EYS: variants seen among roughly 807,000 people sequenced by gnomAD.
The protein encoded by EYS is EGF-like photoreceptor maintenance factor, also known as protein eyes shut homolog.
A neutral mutation model predicts 282.1 loss-of-function variants in EYS; 250 were observed. The ratio of observed to expected loss-of-function variants is 0.89; its 90% confidence interval spans 0.80 to 0.98. The LOEUF is 0.98. Among genes scored for constraint, EYS ranks in the 50% least tolerant of loss-of-function variants. EYS has a pLI of 0.00. For synonymous variants in EYS, 1,355 were observed against 1,282.9 expected (o/e 1.06, Z -1.20); for missense variants, 4,016 against 3,709.0 (o/e 1.08, Z -2.15).
At chr6:63,910,757 C>A (rs1182978592) in intron 35 of EYS, among the ~76,000 whole-genome samples, 2 of 151,712 alleles carry the variant, frequency 1.3e-5, no homozygotes, top group Non-Finnish European at 2.9e-5. Context: ...TCAAGTGTAC[C>A]TTTTTTTTCC....
chr6:64,409,343 C>G (rs893510329), intron 28 of EYS, among the ~76,000 whole-genome samples: 2 of 152,146 alleles, frequency 1.3e-5, no homozygotes, highest in South Asian at 4.1e-4. Flanking sequence ...AATGGTAGTT[C>G]TGTTTTAAGT....
chr6:63,838,173 T>C (rs535108595), intron 36 of EYS, among the ~76,000 whole-genome samples: 2 of 152,210 alleles, frequency 1.3e-5, no homozygotes, highest in South Asian at 2.1e-4. Context: ...ATATCTGTCA[T>C]AAATGAGTCT....
chr6:64,153,340 T>A (rs1374783948), intron 31 of EYS, among the ~76,000 whole-genome samples: 1 of 152,174 alleles, frequency 6.6e-6, no homozygotes, highest in African/African-American at 2.4e-5. Flanking sequence ...GCAATTAGAA[T>A]TAGTCTTTGA....
intron 2 of EYS, among the ~76,000 whole-genome samples, chr6:65,589,163 C>T (rs1301069914): frequency 6.6e-6 from 1 of 151,972 alleles, no homozygotes; most frequent in East Asian, 1.9e-4. Flanking sequence ...CAGTCACTAT[C>T]CCTGAATGGA....
intron 11 of EYS, among the ~76,000 whole-genome samples, chr6:65,319,388 T>A (rs899054207): frequency 1.8e-4 from 27 of 150,172 alleles, no homozygotes; most frequent in Admixed American, 4.6e-4. Context: ...TCAAAAAAAA[T>A]AATATATATA....
chr6:64,121,902 C>T (rs115835499), intron 31 of EYS, among the ~76,000 whole-genome samples: 2,934 of 152,160 alleles, frequency 0.019, 81 homozygotes, highest in African/African-American at 0.066. Context: ...AGTCAATACA[C>T]CTGTTTTTGT....
At chr6:65,512,647 G>C (rs560275967) in intron 2 of EYS, among the ~76,000 whole-genome samples, 1 of 151,958 alleles carries the variant, frequency 6.6e-6, no homozygotes, top group Non-Finnish European at 1.5e-5. Context: ...ACTCAGAACT[G>C]CTCAACTACA....
intron 2 of EYS, among the ~76,000 whole-genome samples, chr6:65,593,415 G>T (rs1397527005): frequency 6.6e-6 from 1 of 152,052 alleles, no homozygotes; most frequent in Admixed American, 6.6e-5. Flanking sequence ...TGCAAGCTAA[G>T]AGTTGAAAAT....
intron 5 of EYS, among the ~76,000 whole-genome samples, chr6:65,452,075 TAATTA>T (rs1382222753): frequency 4.0e-5 from 6 of 151,710 alleles, no homozygotes; most frequent in Non-Finnish European, 7.4e-5. Flanking sequence ...AATAATAATT[TAATTA>T]AATTAGTTAA....
chr6:65,615,946 A>G (rs938555933), intron 2 of EYS, among the ~76,000 whole-genome samples: 25 of 70,814 alleles, frequency 3.5e-4, no homozygotes, highest in African/African-American at 1.6e-3. Flanking sequence ...AAAAGAAAAA[A>G]AAAAGAAAGA....
chr6:65,054,956 G>A (rs1038806660), intron 13 of EYS, among the ~76,000 whole-genome samples: 1 of 148,164 alleles, frequency 6.7e-6, no homozygotes. Flanking sequence ...TTTGGTTTTG[G>A]TTTTAGGTTT....
chr6:65,229,358 G>A (rs1446164481), intron 12 of EYS, among the ~76,000 whole-genome samples: 1 of 151,878 alleles, frequency 6.6e-6, no homozygotes, highest in East Asian at 1.9e-4. Flanking sequence ...TTTATAGGGA[G>A]ACAGCATAGC....
chr6:65,431,715 T>G (rs1767896865), intron 5 of EYS, among the ~76,000 whole-genome samples: 1 of 152,102 alleles, frequency 6.6e-6, no homozygotes, highest in Non-Finnish European at 1.5e-5. Flanking sequence ...CTGTGTCACA[T>G]TATCTCTAAA....
intron 2 of EYS, among the ~76,000 whole-genome samples, chr6:65,630,183 T>A (rs1407999007): frequency 1.3e-5 from 2 of 152,226 alleles, no homozygotes; most frequent in African/African-American, 4.8e-5. Flanking sequence ...GTCAAAATGG[T>A]CACTGTGGTT....
intron 26 of EYS, among the ~76,000 whole-genome samples, chr6:64,459,858 C>A (rs1481778043): frequency 6.6e-6 from 1 of 151,900 alleles, no homozygotes; most frequent in Admixed American, 6.6e-5. Flanking sequence ...CTCTCATAGA[C>A]ACACCCAAGA....
intron 31 of EYS, among the ~76,000 whole-genome samples, chr6:64,111,185 C>A (rs1257253314): frequency 2.0e-5 from 3 of 151,998 alleles, no homozygotes; most frequent in Non-Finnish European, 4.4e-5. Flanking sequence ...AAGTAAAATT[C>A]ACTCTACTAG....
chr6:64,152,064 T>G (rs1774759396), intron 31 of EYS, among the ~76,000 whole-genome samples: 1 of 152,166 alleles, frequency 6.6e-6, no homozygotes, highest in African/African-American at 2.4e-5. Context: ...ATTCAGGTTT[T>G]TAAACATGTG....
intron 28 of EYS, among the ~76,000 whole-genome samples, chr6:64,417,048 C>A (rs11758090): frequency 0.24 from 36,688 of 151,950 alleles, 4,972 homozygotes; most frequent in East Asian, 0.39. Context: ...CAACATTGTA[C>A]GGTACTGCAA....
chr6:63,786,851 T>C (rs1160573851), intron 39 of EYS, among the ~76,000 whole-genome samples: 1 of 152,180 alleles, frequency 6.6e-6, no homozygotes, highest in Non-Finnish European at 1.5e-5. Flanking sequence ...TTATCCTATA[T>C]TATTCTTCAG....
Sources: gnomAD v4.1 joint callset for allele counts (sites outside exome capture counted in the v4.1 genomes callset) on GRCh38, gnomAD v4.1.1 for gene constraint, MANE v1.5 for transcripts, NCBI Gene and HGNC (gene_info 2026-07-23, HGNC 2026-07-21) for gene names.